Variants in DCPS observed in about 807,000 individuals in gnomAD.
The protein encoded by DCPS is decapping enzyme, scavenger.
In DCPS, 27 loss-of-function variants were observed where a neutral mutation model predicts 34.7. The ratio of observed to expected loss-of-function variants is 0.78; its 90% confidence interval spans 0.57 to 1.07. The LOEUF (loss-of-function observed/expected upper bound fraction) is 1.07, where lower values mean the gene tolerates loss of function less well. Ranked by LOEUF, DCPS falls within the 50% of genes least tolerant of loss-of-function variation. The pLI is 0.00. For synonymous variants in DCPS, 185 were observed against 185.7 expected (o/e 1.00, Z 0.03); for missense variants, 464 against 436.9 (o/e 1.06, Z -0.55).
chr11:126,342,936 G>A lies in DCPS; in HGVS notation c.637-371G>A, dbSNP rs556744850. Among the ~76,000 whole-genome samples, 5 of 152,066 alleles carry A rather than the reference G, an allele frequency of 3.3e-5. No homozygotes were observed. Among genetic ancestry groups the A allele is most frequent in the Non-Finnish European group, 7.4e-5 (5 of 68,020 alleles). On this transcript the variant is annotated intron_variant, in intron 4 of 5. Transcript: ENST00000263579. This position sits in a 1 kb window ranked among gnomAD's most constrained non-coding sequence, Gnocchi z 4.4. ...CTACTAAAAATATAAAGAGCATGGT[G>A]GCACGCACCTGTAGTCCCAGCTACT...
intron 2 of DCPS, among the ~76,000 whole-genome samples, chr11:126,314,423 CA>C (rs1410958275): frequency 1.3e-5 from 2 of 152,190 alleles, no homozygotes; most frequent in Non-Finnish European, 2.9e-5. Flanking sequence ...TTACGGGAAA[CA>C]GTGTGGAAAT....
chr11:126,317,360 C>G (rs1377155317), intron 2 of DCPS, among the ~76,000 whole-genome samples: 1 of 151,486 alleles, frequency 6.6e-6, no homozygotes, highest in Non-Finnish European at 1.5e-5. Context: ...ATTCTCCTCT[C>G]TCTGGTTCTC....
Position 126,348,118 on chromosome 11 carries a change from G to A in DCPS, c.*2505G>A, listed in dbSNP as rs1373392029. Among the ~76,000 whole-genome samples, 1 of 152,158 alleles carries A rather than the reference G, an allele frequency of 6.6e-6. No homozygotes were observed. Among genetic ancestry groups the A allele is most frequent in the Non-Finnish European group, 1.5e-5 (1 of 68,036 alleles). On this transcript the variant is annotated 3_prime_UTR_variant, in exon 6 of 6. Coordinates refer to ENST00000263579, the MANE Select transcript of DCPS (RefSeq NM_014026.6). This position sits in a 1 kb window ranked among gnomAD's most constrained non-coding sequence, Gnocchi z 5.3. The stretch of plus-strand genomic sequence containing the variant: ...AATGTTTGAGGGGCAAGAGAGATGG[G>A]ACAGAGTTCACCCAACAGGACAGAC...
In DCPS at chr11:126,328,175, C is replaced by A. The variant is rs569581087; in HGVS notation, c.377-3230C>A. On this transcript the variant is annotated intron_variant, in intron 2 of 5. Transcript: ENST00000263579. This position sits in a 1 kb window ranked among gnomAD's most constrained non-coding sequence, Gnocchi z 6.6. ...GCGCGGCTGGAGCAGAGGCCCTAAG[C>A]GGGAGAGAGGCAGTGCATGAAGGTG... 6.6e-6 allele frequency among the ~76,000 whole-genome samples: 1 copy of A among 152,068 alleles called. No homozygotes were observed. The highest frequency in any genetic ancestry group is 1.9e-4 in the East Asian group (1 of 5,180).
rs919253923 is a variant in DCPS, at chr11:126,331,031, C to T, written c.377-374C>T. Among the ~76,000 whole-genome samples, 2 of 152,056 alleles carry T rather than the reference C, an allele frequency of 1.3e-5. No individual in the cohort carries two copies. Among genetic ancestry groups the T allele is most frequent in the South Asian group, 2.1e-4 (1 of 4,830 alleles). On this transcript the variant is annotated intron_variant, in intron 2 of 5. Transcript: ENST00000263579. The surrounding 1 kb of genome is among the most constrained non-coding windows in gnomAD (Gnocchi z 7.2). ...GATTACAGGCGTCAGCCACTGCGCC[C>T]GGCCTTTAAGCCATATTTTCAGCTT...
rs950711926 is a variant in DCPS, at chr11:126,346,805, G to A, written c.*1192G>A. On this transcript the variant is annotated 3_prime_UTR_variant, in exon 6 of 6. Transcript: ENST00000263579. This position sits in a 1 kb window ranked among gnomAD's most constrained non-coding sequence, Gnocchi z 4.1. Reference sequence around the variant, plus strand: ...TCAGAGATTAGCCCCTTTACTGCAGGTGGTAGCCCAGGTGCAGCCAACCTG... The same window carrying A: ...TCAGAGATTAGCCCCTTTACTGCAGATGGTAGCCCAGGTGCAGCCAACCTG... Among the ~76,000 whole-genome samples the A allele has an allele frequency of 6.6e-6, 1 of 152,160 alleles. No individual in the cohort carries two copies. Among genetic ancestry groups the A allele is most frequent in the African/African-American group, 2.4e-5 (1 of 41,434 alleles).
chr11:126,345,651 G>T lies in DCPS; in HGVS notation c.*38G>T. ...AGAAGAGCACAGATGTGTGGGATTG[G>T]GGGAGGAGTGGGGACAAGATTTTTT... On this transcript the variant is annotated 3_prime_UTR_variant, in exon 6 of 6. Coordinates refer to ENST00000263579, the MANE Select transcript of DCPS (RefSeq NM_014026.6). The surrounding 1 kb of genome is among the most constrained non-coding windows in gnomAD (Gnocchi z 7.4). 6.3e-7 allele frequency: 1 copy of T among 1,584,106 alleles called. No individual in the cohort carries two copies. Among genetic ancestry groups the T allele is most frequent in the Non-Finnish European group, 8.6e-7 (1 of 1,165,314 alleles).
chr11:126,316,615 C>T (rs1022038419), intron 2 of DCPS, among the ~76,000 whole-genome samples: 5 of 150,516 alleles, frequency 3.3e-5, no homozygotes, highest in Non-Finnish European at 7.4e-5. Context: ...CTGTTTCTTT[C>T]TTGTTTTACT....
At chr11:126,309,099 A>G (rs1261901610) in intron 2 of DCPS, among the ~76,000 whole-genome samples, 5 of 146,564 alleles carry the variant, frequency 3.4e-5, no homozygotes, top group African/African-American at 1.0e-4. Flanking sequence ...TTCTTGGCTC[A>G]CTGCAACCTC....
intron 1 of DCPS, among the ~76,000 whole-genome samples, chr11:126,305,005 G>T (rs1423932467): frequency 6.6e-6 from 1 of 152,202 alleles, no homozygotes; most frequent in Non-Finnish European, 1.5e-5. Flanking sequence ...CAGATAAGGG[G>T]GTTCCCTAGA....
At chr11:126,343,462 C>T (rs1455399213) in intron 5 of DCPS, 45 bp downstream of exon 5, 1 of 1,481,476 alleles carries the variant, frequency 6.8e-7, no homozygotes, top group Non-Finnish European at 9.3e-7. Flanking sequence ...AGAAATTAGA[C>T]TCAGATTCCA....
intron 4 of DCPS, among the ~76,000 whole-genome samples, chr11:126,339,505 T>G (rs1319789190): frequency 6.6e-6 from 1 of 152,218 alleles, no homozygotes; most frequent in Non-Finnish European, 1.5e-5. Flanking sequence ...CAAGTGAGCA[T>G]AATTCGTCTC....
At chr11:126,307,417 T>C (rs1264281574) in intron 2 of DCPS, among the ~76,000 whole-genome samples, 2 of 151,342 alleles carry the variant, frequency 1.3e-5, no homozygotes, top group Non-Finnish European at 1.5e-5. Context: ...GAATAATATA[T>C]ATATATTTTT....
rs2135344205 is a variant in DCPS, at chr11:126,348,524, C to T, written c.*2911C>T. ...ATGCAGCTCCCTCCCTCAATCCAACCCTCTTTGGGCTTATCACCCTCAAGG... is the reference window on the plus strand; with the variant it reads ...ATGCAGCTCCCTCCCTCAATCCAACTCTCTTTGGGCTTATCACCCTCAAGG... On this transcript the variant is annotated 3_prime_UTR_variant, in exon 6 of 6. Coordinates refer to ENST00000263579, the MANE Select transcript of DCPS (RefSeq NM_014026.6). This position sits in a 1 kb window ranked among gnomAD's most constrained non-coding sequence, Gnocchi z 5.3. Among the ~76,000 whole-genome samples, 1 of 152,348 alleles carries T rather than the reference C, an allele frequency of 6.6e-6. No homozygotes were observed. Among genetic ancestry groups the T allele is most frequent in the East Asian group, 1.9e-4 (1 of 5,188 alleles).
Position 126,333,412 on chromosome 11 carries a change from T to C in DCPS, c.522+1862T>C, listed in dbSNP as rs1371328068. On this transcript the variant is annotated intron_variant, in intron 3 of 5. Coordinates refer to ENST00000263579, the MANE Select transcript of DCPS (RefSeq NM_014026.6). The surrounding 1 kb of genome is among the most constrained non-coding windows in gnomAD (Gnocchi z 5.7). Reference sequence around the variant, plus strand: ...TCACAGTGTAACAGGGAAGATAGACTTGTAAACGGGCAATTGTGACAATGG... The same window carrying C: ...TCACAGTGTAACAGGGAAGATAGACCTGTAAACGGGCAATTGTGACAATGG... Among the ~76,000 whole-genome samples the C allele has an allele frequency of 6.6e-6, 1 of 152,178 alleles. No individual in the cohort carries two copies. Among genetic ancestry groups the C allele is most frequent in the African/African-American group, 2.4e-5 (1 of 41,446 alleles).
chr11:126,306,729 C>T lies in DCPS; in HGVS notation c.361C>T (p.Pro121Ser). 1 of 1,594,214 alleles carries T rather than the reference C, an allele frequency of 6.3e-7. No homozygotes were observed. The highest frequency in any genetic ancestry group is 8.6e-7 in the Non-Finnish European group (1 of 1,163,348). The change falls in exon 2 of 6, where the codon CCA becomes TCA. Residue 121 changes from proline to serine, a missense_variant. Pro to Ser is a moderately conservative substitution (Grantham distance 74). Coordinates refer to ENST00000263579, the MANE Select transcript of DCPS (RefSeq NM_014026.6). The stretch of plus-strand genomic sequence containing the variant: ...CTACAGCACCTATCACTTGTTCCCT[C>T]CAAGACAACTGAATGGTGAGCAAGA... ...DIYSTYHLFP[P>S]RQLNDVKTTV...
At position 126,328,150 on chromosome 11, in the gene DCPS, G is replaced by T. The variant is rs1951754597; in HGVS notation, c.377-3255G>T. ...GAGTTAGTGGGTCAGTGGGGAGCCG[G>T]CGCGGCTGGAGCAGAGGCCCTAAGC... On this transcript the variant is annotated intron_variant, in intron 2 of 5. Transcript: ENST00000263579. The surrounding 1 kb of genome is among the most constrained non-coding windows in gnomAD (Gnocchi z 6.6). Among the ~76,000 whole-genome samples, 2 of 152,204 alleles carry T rather than the reference G, an allele frequency of 1.3e-5. No homozygotes were observed. Among genetic ancestry groups the T allele is most frequent in the South Asian group, 4.1e-4 (2 of 4,834 alleles).
intron 2 of DCPS, among the ~76,000 whole-genome samples, chr11:126,318,433 T>A (rs1951679321): frequency 6.6e-6 from 1 of 152,166 alleles, no homozygotes; most frequent in Admixed American, 6.6e-5. Flanking sequence ...TCTGGCCTGG[T>A]CTCCCCGTTA....
chr11:126,331,704 C>T lies in DCPS; in HGVS notation c.522+154C>T, dbSNP rs1290478468. The stretch of plus-strand genomic sequence containing the variant: ...AGCATGGCGGACAGAATCCCCACCT[C>T]GTGCAGCTTACATCCCATGCACAGT... On this transcript the variant is annotated intron_variant, in intron 3 of 5. Transcript: ENST00000263579. The surrounding 1 kb of genome is among the most constrained non-coding windows in gnomAD (Gnocchi z 7.2). Among the ~76,000 whole-genome samples the T allele has an allele frequency of 1.3e-5, 2 of 152,170 alleles. No individual in the cohort carries two copies. The highest frequency in any genetic ancestry group is 1.5e-5 in the Non-Finnish European group (1 of 68,048).
Sources: allele counts gnomAD v4.1 joint callset (sites outside exome capture counted in the v4.1 genomes callset), GRCh38; gene constraint gnomAD v4.1.1; non-coding constraint Gnocchi (gnomAD v3.1); transcripts MANE v1.5; gene names NCBI Gene and HGNC (gene_info 2026-07-23, HGNC 2026-07-21).